The following SATB1 variants were observed in gnomAD, a reference collection of about 807,000 sequenced individuals.
The protein encoded by SATB1 is SATB homeobox 1.
Under a neutral mutation model 86.9 loss-of-function variants are expected in SATB1, and 11 were observed. The observed-to-expected ratio is 0.13, with a 90% CI of 0.08 to 0.21. The LOEUF (loss-of-function observed/expected upper bound fraction) is 0.21. Ranked by LOEUF, SATB1 falls within the 10% of genes least tolerant of loss-of-function variation. The probability of loss-of-function intolerance (pLI) is 1.00; values close to 1 mark genes in which losing one functional copy is unlikely to be tolerated. For missense variants in SATB1, 551 were observed against 937.6 expected, an observed-to-expected ratio of 0.59 and a Z score of 5.39; for synonymous variants, 357 against 357.2, an observed-to-expected ratio of 1.00 and a Z score of 0.01.
intron 9 of SATB1, among the ~76,000 whole-genome samples, chr3:18,376,304 G>C (rs1368061492): frequency 6.6e-6 from 1 of 151,808 alleles, no homozygotes; most frequent in Non-Finnish European, 1.5e-5. Flanking sequence ...TTAAATGACA[G>C]GTGATAGATA....
chr3:18,398,138 C>T (rs371733297), intron 5 of SATB1, among the ~76,000 whole-genome samples: 4 of 152,104 alleles, frequency 2.6e-5, no homozygotes, highest in East Asian at 1.9e-4. Context: ...AATAAATGCC[C>T]GGAAAACTGT....
intron 5 of SATB1, among the ~76,000 whole-genome samples, chr3:18,409,829 CCTTTT>C (rs1351070387): frequency 6.6e-6 from 1 of 151,934 alleles, no homozygotes; most frequent in Non-Finnish European, 1.5e-5. Context: ...AAACAGGAAT[CCTTTT>C]ATTTTAAAAT....
At chr3:18,391,451 A>G (rs558790066) in intron 7 of SATB1, among the ~76,000 whole-genome samples, 2 of 151,628 alleles carry the variant, frequency 1.3e-5, no homozygotes, top group African/African-American at 4.8e-5. Flanking sequence ...ATATGTATAC[A>G]TGTGCCGTGC....
intron 5 of SATB1, among the ~76,000 whole-genome samples, chr3:18,412,351 G>A (rs9713269): frequency 0.33 from 50,084 of 151,738 alleles, 9,147 homozygotes; most frequent in Admixed American, 0.46. Flanking sequence ...AACACCCCAG[G>A]CAAAATCCTG....
At position 18,394,860 on chromosome 3, in the gene SATB1, C is replaced by T. The variant is rs1696882866; in HGVS notation, c.808G>A (p.Gly270Ser). The change falls in exon 7 of 11, where the codon GGC becomes AGC. Residue 270 changes from glycine to serine, a missense_variant. Transcript: ENST00000338745. This position sits in a 1 kb window ranked among gnomAD's most constrained non-coding sequence, Gnocchi z 5.9. ...SQQGANHVNF[G>S]QQPVPGNTAE... ...GTGTTCCCTGGAACTGGTTGCTGGCCAAAATTGACATGATTGGCGCCTTGC... is the reference window on the plus strand; with the variant it reads ...GTGTTCCCTGGAACTGGTTGCTGGCTAAAATTGACATGATTGGCGCCTTGC... 6.2e-7 allele frequency: 1 copy of T among 1,612,944 alleles called. No individual in the cohort carries two copies. The highest frequency in any genetic ancestry group is 8.5e-7 in the Non-Finnish European group (1 of 1,179,548).
At chr3:18,401,152 C>T (rs1575144430) in intron 5 of SATB1, among the ~76,000 whole-genome samples, 1 of 152,294 alleles carries the variant, frequency 6.6e-6, no homozygotes, top group East Asian at 1.9e-4. Flanking sequence ...TTGCACTGGA[C>T]TGTGGGCCTT....
chr3:18,443,805 A>C lies in SATB1; in HGVS notation c.-25+1713T>G, dbSNP rs949834109. ...AACACGGTGTGGACTGCGAGGCTGC[A>C]CCTGTGATGTCCCGGCCCCTGCTAA... On this transcript the variant is annotated intron_variant, in intron 1 of 3. Transcript: ENST00000415069. This position sits in a 1 kb window ranked among gnomAD's most constrained non-coding sequence, Gnocchi z 4.4. Among the ~76,000 whole-genome samples the C allele has an allele frequency of 2.0e-5, 3 of 152,068 alleles. No homozygotes were observed. The highest frequency in any genetic ancestry group is 7.2e-5 in the African/African-American group (3 of 41,392).
Position 18,416,388 on chromosome 3 carries a change from A to G in SATB1, c.389-255T>C, listed in dbSNP as rs116171822. Among the ~76,000 whole-genome samples the G allele has an allele frequency of 9.3e-3, 1,417 of 152,228 alleles. 21 individuals are homozygous for G. The highest frequency in any genetic ancestry group is 0.033 in the African/African-American group (1,358 of 41,556). The stretch of plus-strand genomic sequence containing the variant: ...AAAACCCCATCAATAAAACCTATGC[A>G]TAAGGCCACATTTTCCTAACTTACA... On this transcript the variant is annotated intron_variant, in intron 3 of 10. Coordinates refer to ENST00000338745, the MANE Select transcript of SATB1 (RefSeq NM_002971.6).
Position 18,424,992 on chromosome 3 carries a change from T to C in SATB1, c.-1390A>G, listed in dbSNP as rs1414236422. On this transcript the variant is annotated 5_prime_UTR_variant, in exon 1 of 11. Transcript: ENST00000338745. The stretch of plus-strand genomic sequence containing the variant: ...CCCCGGACGGGGCTGCTTCTCTCGC[T>C]CTCTCCCTCGCTAGCTCTACCCCTC... The C allele has an allele frequency of 6.4e-6, 1 of 155,610 alleles. No individual in the cohort carries two copies. The highest frequency in any genetic ancestry group is 1.4e-5 in the Non-Finnish European group (1 of 70,270). The allele number at this position is 155,610 out of a possible 1,614,324, so 9.6% of individuals were successfully genotyped here.
intron 10 of SATB1, chr3:18,351,367 G>A (rs1385374943): frequency 5.8e-6 from 9 of 1,556,494 alleles, no homozygotes; most frequent in Middle Eastern, 1.7e-4. Context: ...GTAAGAAAAC[G>A]CCTCTAGACT....
In SATB1 at chr3:18,379,173, G is replaced by A. The variant is rs77110642; in HGVS notation, c.1420-848C>T. On this transcript the variant is annotated intron_variant, in intron 8 of 10. Coordinates refer to ENST00000338745, the MANE Select transcript of SATB1 (RefSeq NM_002971.6). ...TTAGTAATAGTGATAAGCAGATATC[G>A]GCAGTAAAATGCCACAAAATTTTAG... Among the ~76,000 whole-genome samples the A allele has an allele frequency of 3.6e-4, 55 of 152,236 alleles. No individual in the cohort carries two copies. The East Asian group carries it at 0.01, about 28-fold the overall frequency.
intron 9 of SATB1, among the ~76,000 whole-genome samples, chr3:18,354,204 T>C (rs1025899940): frequency 1.3e-5 from 2 of 152,222 alleles, no homozygotes; most frequent in African/African-American, 4.8e-5. Flanking sequence ...TACTGGTAAA[T>C]ATTTGCCATC....
chr3:18,357,416 C>T (rs1694699244), intron 9 of SATB1, among the ~76,000 whole-genome samples: 1 of 151,782 alleles, frequency 6.6e-6, no homozygotes, highest in African/African-American at 2.4e-5. Context: ...TCAACAACAA[C>T]TAACTATAAA....
chr3:18,390,291 G>A (rs1385314813), intron 7 of SATB1, among the ~76,000 whole-genome samples: 1 of 152,070 alleles, frequency 6.6e-6, no homozygotes, highest in African/African-American at 2.4e-5. Flanking sequence ...AAGAAAATAT[G>A]ATTTGATGAA....
At chr3:18,421,186 A>C (rs1022364036) in intron 1 of SATB1, 195 bp from the exon 2 acceptor site, 2 of 521,916 alleles carry the variant, frequency 3.8e-6, no homozygotes, top group African/African-American at 3.8e-5. Flanking sequence ...AATTAACAAA[A>C]TGATCTGTGG....
intron 5 of SATB1, among the ~76,000 whole-genome samples, chr3:18,399,881 A>C (rs530982622): frequency 6.6e-6 from 1 of 152,086 alleles, no homozygotes; most frequent in South Asian, 2.1e-4. Context: ...GTCCAATTAG[A>C]TTGCTCCTAT....
At chr3:18,402,791 G>C (rs1697339597) in intron 5 of SATB1, among the ~76,000 whole-genome samples, 1 of 152,094 alleles carries the variant, frequency 6.6e-6, no homozygotes, top group Non-Finnish European at 1.5e-5. Flanking sequence ...GAGGTAGCAA[G>C]AGCATCTACA....
chr3:18,439,543 G>C (rs561519972), upstream of SATB1, among the ~76,000 whole-genome samples: 1 of 152,100 alleles, frequency 6.6e-6, no homozygotes, highest in Non-Finnish European at 1.5e-5. Flanking sequence ...AGTTTAAATA[G>C]ACTTACCACT....
intron 3 of SATB1, 86 bp from the exon 4 acceptor site, chr3:18,416,219 A>C (rs1575164011): frequency 2.0e-6 from 2 of 1,004,688 alleles, no homozygotes; most frequent in Non-Finnish European, 1.4e-6. Context: ...CTTTTCTACT[A>C]CCCCTACCAC....
Sources: gnomAD v4.1 joint callset for allele counts (sites outside exome capture counted in the v4.1 genomes callset) on GRCh38, gnomAD v4.1.1 for gene constraint, Gnocchi (gnomAD v3.1) non-coding constraint, MANE v1.5 for transcripts, NCBI Gene and HGNC (gene_info 2026-07-23, HGNC 2026-07-21) for gene names.